Variants in KCNH1 observed in about 807,000 individuals in gnomAD.
KCNH1 encodes the protein potassium voltage-gated channel subfamily H member 1.
KCNH1 carries 27 observed loss-of-function variants against 69.2 expected under a neutral mutation model. The ratio of observed to expected loss-of-function variants is 0.39; its 90% CI spans 0.29 to 0.54. The LOEUF is 0.54. Among genes scored for constraint, KCNH1 ranks in the 20% least tolerant of loss-of-function variants. The pLI, the probability that KCNH1 is intolerant of heterozygous loss-of-function variation, is 0.68. For synonymous variants in KCNH1, 456 were observed against 487.7 expected (o/e 0.93, Z 0.86); for missense variants, 798 against 1,261.6 (o/e 0.63, Z 5.57).
At position 210,841,619 on chromosome 1, in the gene KCNH1, A is replaced by T. The variant is rs180988293; in HGVS notation, c.1463-37453T>A. Among the ~76,000 whole-genome samples the T allele has an allele frequency of 1.2e-4, 19 of 152,330 alleles. No individual in the cohort carries two copies. In the East Asian group the frequency reaches 3.5e-3, roughly 28 times the overall value. Reference sequence around the variant, plus strand: ...GACTTGGGACATGGGAAAAAGTAACAGGCCCATGCAGATCCAAAATCTTGA... The same window carrying T: ...GACTTGGGACATGGGAAAAAGTAACTGGCCCATGCAGATCCAAAATCTTGA... On this transcript the variant is annotated intron_variant, in intron 7 of 10. Coordinates refer to ENST00000271751, the MANE Select transcript of KCNH1 (RefSeq NM_172362.3).
At chr1:211,019,754 T>A (rs2102414610) in intron 5 of KCNH1, among the ~76,000 whole-genome samples, 1 of 152,324 alleles carries the variant, frequency 6.6e-6, no homozygotes, top group South Asian at 2.1e-4. Context: ...ATATGTGAGA[T>A]GACAAAACAA....
chr1:210,744,782 G>A (rs1285571659), intron 10 of KCNH1, among the ~76,000 whole-genome samples: 1 of 152,166 alleles, frequency 6.6e-6, no homozygotes, highest in Admixed American at 6.5e-5. Context: ...AATATGCCTA[G>A]TGTCTGGGAG....
At chr1:211,109,834 T>C (rs186897349) in intron 1 of KCNH1, among the ~76,000 whole-genome samples, 32 of 151,650 alleles carry the variant, frequency 2.1e-4, no homozygotes, top group Middle Eastern at 3.4e-3. Flanking sequence ...AAAAATCTAA[T>C]TGGTATCCTT....
At chr1:210,959,499 T>C (rs544335309) in intron 6 of KCNH1, among the ~76,000 whole-genome samples, 4 of 152,352 alleles carry the variant, frequency 2.6e-5, no homozygotes, top group East Asian at 1.9e-4. Context: ...CTACTGCCTT[T>C]TGTTCAGCTA....
chr1:210,712,067 A>G (rs1558434599), intron 10 of KCNH1, among the ~76,000 whole-genome samples: 2 of 152,128 alleles, frequency 1.3e-5, no homozygotes, highest in African/African-American at 4.8e-5. Context: ...CCAGGAGTGT[A>G]CTCTCTGAGT....
intron 5 of KCNH1, among the ~76,000 whole-genome samples, chr1:211,070,818 T>C (rs114977366): frequency 0.13 from 14,902 of 115,890 alleles, 1,045 homozygotes; most frequent in Non-Finnish European, 0.18. Flanking sequence ...CGAGACTCCA[T>C]CTCAAAAAAA....
chr1:210,910,277 C>CAAAAA (rs373832448), intron 7 of KCNH1, among the ~76,000 whole-genome samples: 6 of 102,768 alleles, frequency 5.8e-5, no homozygotes, highest in African/African-American at 1.5e-4. Context: ...CATCAAGCAC[C>CAAAAA]AAAAAAAAAA....
At chr1:211,115,717 G>GTATATATATATATATATA (rs1178328609) in intron 1 of KCNH1, among the ~76,000 whole-genome samples, 1 of 96,722 alleles carries the variant, frequency 1.0e-5, no homozygotes, top group Non-Finnish European at 2.3e-5. Context: ...ATATATATAT[G>GTATATATATATATATATA]TATATATATA....
Position 210,682,678 on chromosome 1 carries a change from C to T in KCNH1, c.*603G>A, listed in dbSNP as rs1344086034. On this transcript the variant is annotated 3_prime_UTR_variant, in exon 11 of 11. Transcript: ENST00000271751. Reference sequence around the variant, plus strand: ...GCTTCAAGTGTCTATGGGAGGCATGCACCACACCTGCAGCTGCTTTTCTGG... The same window carrying T: ...GCTTCAAGTGTCTATGGGAGGCATGTACCACACCTGCAGCTGCTTTTCTGG... The T allele has an allele frequency of 6.5e-6, 1 of 153,050 alleles. No individual in the cohort carries two copies. The highest frequency in any genetic ancestry group is 1.9e-4 in the East Asian group (1 of 5,190). The allele number at this position is 153,050 out of a possible 1,614,324, so 9.5% of individuals were successfully genotyped here. A position where few individuals can be genotyped will look rare whatever the true frequency, so the allele number is the denominator to read the frequency against.
intron 7 of KCNH1, among the ~76,000 whole-genome samples, chr1:210,820,215 A>G (rs1574275989): frequency 1.3e-5 from 2 of 152,256 alleles, no homozygotes; most frequent in African/African-American, 4.8e-5. Context: ...AACTAATTTG[A>G]GAAAACATTT....
chr1:211,086,601 T>A (rs1263740526), intron 4 of KCNH1, among the ~76,000 whole-genome samples: 4 of 152,190 alleles, frequency 2.6e-5, no homozygotes, highest in Non-Finnish European at 5.9e-5. Context: ...AGTTAAAAGC[T>A]ATTTACTGGG....
At chr1:210,859,294 G>C in intron 7 of KCNH1, 1 of 1,562,958 alleles carries the variant, frequency 6.4e-7, no homozygotes, top group Non-Finnish European at 8.8e-7. Context: ...TTCTTTGATT[G>C]GCCAGAGTTA....
Position 210,683,178 on chromosome 1 carries a change from A to T in KCNH1, c.*103T>A. 8.8e-6 allele frequency: 10 copies of T among 1,138,046 alleles called. No homozygotes were observed. Among genetic ancestry groups the T allele is most frequent in the Non-Finnish European group, 1.1e-5 (9 of 800,846 alleles). The allele number at this position is 1,138,046 out of a possible 1,614,324, so 70.5% of individuals were successfully genotyped here. ...TGGCCCCACTTTTTCTGTTAGGAAA[A>T]GCCTACTTGAAAATTGTTGGTCATG... On this transcript the variant is annotated 3_prime_UTR_variant, in exon 11 of 11. Transcript: ENST00000271751. The surrounding 1 kb of genome is among the most constrained non-coding windows in gnomAD (Gnocchi z 5.7).
chr1:211,049,838 C>A (rs1479591579), intron 5 of KCNH1, among the ~76,000 whole-genome samples: 1 of 152,100 alleles, frequency 6.6e-6, no homozygotes, highest in Non-Finnish European at 1.5e-5. Flanking sequence ...CCAGAATGGG[C>A]CCTAACAAGG....
chr1:210,861,414 C>T, intron 7 of KCNH1: 1 of 777,092 alleles, frequency 1.3e-6, no homozygotes, highest in East Asian at 2.4e-5. Flanking sequence ...AATACTTGAG[C>T]AAATTCATTA....
chr1:211,002,415 T>C (rs1205340374), intron 6 of KCNH1, among the ~76,000 whole-genome samples: 2 of 151,084 alleles, frequency 1.3e-5, no homozygotes, highest in African/African-American at 4.9e-5. Flanking sequence ...AAATTTCATG[T>C]AGAATGTCCA....
chr1:210,975,412 T>C (rs1331589869), intron 6 of KCNH1, among the ~76,000 whole-genome samples: 1 of 152,126 alleles, frequency 6.6e-6, no homozygotes, highest in Non-Finnish European at 1.5e-5. Context: ...TGTAGACCAA[T>C]GGAACAGAAC....
At chr1:210,999,249 A>G (rs549595100) in intron 6 of KCNH1, among the ~76,000 whole-genome samples, 138 of 152,322 alleles carry the variant, frequency 9.1e-4, no homozygotes, top group South Asian at 1.9e-3. Flanking sequence ...AAGATCAACA[A>G]AATTGATAGT....
At chr1:210,763,711 C>T (rs1488027362) in intron 10 of KCNH1, among the ~76,000 whole-genome samples, 1 of 152,008 alleles carries the variant, frequency 6.6e-6, no homozygotes, top group Non-Finnish European at 1.5e-5. Context: ...TTAAATAAAT[C>T]ATAGACAACA....
Sources: allele counts gnomAD v4.1 joint callset (sites outside exome capture counted in the v4.1 genomes callset), GRCh38; gene constraint gnomAD v4.1.1; non-coding constraint Gnocchi (gnomAD v3.1); transcripts MANE v1.5; gene names NCBI Gene and HGNC (gene_info 2026-07-23, HGNC 2026-07-21).